ANKRD30B: variants seen among roughly 807,000 people sequenced by gnomAD.
The protein encoded by ANKRD30B is ankyrin repeat domain 30B.
Under a neutral mutation model 202.2 loss-of-function variants are expected in ANKRD30B, and 144 were observed. The ratio of observed to expected loss-of-function variants is 0.71; its 90% confidence interval spans 0.62 to 0.82. ANKRD30B has a LOEUF of 0.82. Ranked by LOEUF, ANKRD30B falls within the 40% of genes least tolerant of loss-of-function variation. The pLI is 0.00. For missense variants in ANKRD30B, 1,487 were observed against 1,669.1 expected, an observed-to-expected ratio of 0.89 and a Z score of 1.90; for synonymous variants, 508 against 561.3, an observed-to-expected ratio of 0.91 and a Z score of 1.34.
In ANKRD30B at chr18:14,752,753, G is replaced by T; in HGVS notation, c.336+73G>T. On this transcript the variant is annotated intron_variant, in intron 2 of 43. Coordinates refer to ENST00000690538, the MANE Select transcript of ANKRD30B (RefSeq NM_001367607.2). ...ACATAGAATAAAAATGAATTTAGTTGAAATACAACTAGTTTGTGAAACCTG... is the reference window on the plus strand; with the variant it reads ...ACATAGAATAAAAATGAATTTAGTTTAAATACAACTAGTTTGTGAAACCTG... 4 of 1,537,068 alleles carry T rather than the reference G, an allele frequency of 2.6e-6. No individual in the cohort carries two copies. In the South Asian group the frequency reaches 4.8e-5, roughly 18 times the overall value.
At chr18:14,842,144 TTA>T (rs1413897218) in intron 37 of ANKRD30B, among the ~76,000 whole-genome samples, 1 of 152,162 alleles carries the variant, frequency 6.6e-6, no homozygotes, top group Non-Finnish European at 1.5e-5. Flanking sequence ...AAAATGTTAT[TTA>T]TATGTGATAA....
the ANKRD30B span, among the ~76,000 whole-genome samples, chr18:14,920,080 A>G: frequency 7.7e-3 from 1,179 of 152,348 alleles, 18 homozygotes; most frequent in African/African-American, 0.027. Flanking sequence ...GTCAGTAAAC[A>G]AGGCACTGAA....
the ANKRD30B span, among the ~76,000 whole-genome samples, chr18:14,896,458 A>T: frequency 1.3e-5 from 2 of 151,786 alleles, no homozygotes; most frequent in African/African-American, 4.8e-5. Context: ...TTTTAAATCT[A>T]AAAATGTTCT....
rs1968638873 is a variant in ANKRD30B, at chr18:14,793,168, AT to A, written c.1825+1678del. Among the ~76,000 whole-genome samples, 2 of 152,036 alleles carry A rather than the reference AT, an allele frequency of 1.3e-5. 1 individual carries two copies. On this transcript the variant is annotated intron_variant, in intron 16 of 43. Coordinates refer to ENST00000690538, the MANE Select transcript of ANKRD30B (RefSeq NM_001367607.2). Reference sequence around the variant, plus strand: ...TTGGATACTATTGTAGCATACGGGTATGAAAATCAATGAATATTTATATTTA... The same window carrying A: ...TTGGATACTATTGTAGCATACGGGTAGAAAATCAATGAATATTTATATTTA...
At chr18:14,873,385 C>T in the ANKRD30B span, among the ~76,000 whole-genome samples, 1 of 151,788 alleles carries the variant, frequency 6.6e-6, no homozygotes, top group Non-Finnish European at 1.5e-5. Context: ...ATTAGCTGGG[C>T]CTGGTGGCAG....
chr18:14,819,506 T>C (rs1244698428), intron 30 of ANKRD30B, among the ~76,000 whole-genome samples: 4 of 152,122 alleles, frequency 2.6e-5, no homozygotes, highest in African/African-American at 9.7e-5. Context: ...GTCTAACGTT[T>C]AAGTCTTTAA....
In ANKRD30B at chr18:14,820,775, T is replaced by C. The variant is rs535565372; in HGVS notation, c.2642-1708T>C. Among the ~76,000 whole-genome samples, 8 of 152,318 alleles carry C rather than the reference T, an allele frequency of 5.3e-5. No homozygotes were observed. The East Asian group carries it at 1.2e-3, about 22-fold the overall frequency. On this transcript the variant is annotated intron_variant, in intron 30 of 43. Coordinates refer to ENST00000690538, the MANE Select transcript of ANKRD30B (RefSeq NM_001367607.2). Reference sequence around the variant, plus strand: ...CTGGATTCATTTTGCCAGTATTTTATTGAGGATTTTTGCATCAATGTTCAT... The same window carrying C: ...CTGGATTCATTTTGCCAGTATTTTACTGAGGATTTTTGCATCAATGTTCAT...
At chr18:14,882,496 A>G in the ANKRD30B span, among the ~76,000 whole-genome samples, 1,434 of 152,270 alleles carry the variant, frequency 9.4e-3, 26 homozygotes, top group African/African-American at 0.032. Context: ...ATTTTCTTCA[A>G]TTTACTGAGA....
chr18:14,893,060 G>T, the ANKRD30B span, among the ~76,000 whole-genome samples: 2 of 152,016 alleles, frequency 1.3e-5, no homozygotes, highest in African/African-American at 4.8e-5. Flanking sequence ...ATTCTTAATT[G>T]CTTGACATAT....
Position 14,854,333 on chromosome 18 carries a change from A to G in ANKRD30B, c.*175A>G, listed in dbSNP as rs1189825087. Among the ~76,000 whole-genome samples, 1 of 152,250 alleles carries G rather than the reference A, an allele frequency of 6.6e-6. No homozygotes were observed. The highest frequency in any genetic ancestry group is 1.5e-5 in the Non-Finnish European group (1 of 68,050). The stretch of plus-strand genomic sequence containing the variant: ...ACAGAACTAAAATGATAAAAGTCAT[A>G]TAACAATGGTACCCTAAACCACCCA... On this transcript the variant is annotated 3_prime_UTR_variant, in exon 44 of 44. Transcript: ENST00000690538.
chr18:14,783,855 G>A (rs1051843503), intron 12 of ANKRD30B, among the ~76,000 whole-genome samples: 18 of 151,964 alleles, frequency 1.2e-4, no homozygotes, highest in Admixed American at 1.2e-3. Context: ...TTTATATTTA[G>A]TATTATGACC....
intron 16 of ANKRD30B, among the ~76,000 whole-genome samples, chr18:14,794,738 C>T (rs1364490041): frequency 3.3e-5 from 5 of 152,132 alleles, no homozygotes; most frequent in South Asian, 4.1e-4. Context: ...AGCCTTAAAT[C>T]GCTTGGACAT....
chr18:14,757,963 A>C lies in ANKRD30B; in HGVS notation c.755+11A>C. 1 of 1,574,122 alleles carries C rather than the reference A, an allele frequency of 6.4e-7. No homozygotes were observed. The highest frequency in any genetic ancestry group is 1.7e-4 in the Middle Eastern group (1 of 5,914). On this transcript the variant is annotated intron_variant, in intron 5 of 43. Transcript: ENST00000690538. ...TTGTGGAGTTAATTAGTAAGTGTTT[A>C]CATTTAAAGGCTAGGTGAAATTTTA...
At chr18:14,910,372 A>G in the ANKRD30B span, among the ~76,000 whole-genome samples, 5 of 152,072 alleles carry the variant, frequency 3.3e-5, no homozygotes, top group Non-Finnish European at 5.9e-5. Context: ...CACTGAGGAT[A>G]ATGGCCTCCA....
chr18:14,805,728 G>T (rs995100056), intron 24 of ANKRD30B, among the ~76,000 whole-genome samples: 1 of 150,694 alleles, frequency 6.6e-6, no homozygotes, highest in Non-Finnish European at 1.5e-5. Flanking sequence ...AGCATTCTAC[G>T]TTCAGCTTTT....
chr18:14,844,633 G>A (rs993239195), intron 39 of ANKRD30B, among the ~76,000 whole-genome samples: 3 of 152,178 alleles, frequency 2.0e-5, no homozygotes, highest in Non-Finnish European at 4.4e-5. Flanking sequence ...GGTATTTCTA[G>A]TTCCAGATCC....
At position 14,763,826 on chromosome 18, in the gene ANKRD30B, G is replaced by T; in HGVS notation, c.961G>T (p.Gly321Trp). 6.2e-7 allele frequency: 1 copy of T among 1,613,536 alleles called. No individual in the cohort carries two copies. The highest frequency in any genetic ancestry group is 8.5e-7 in the Non-Finnish European group (1 of 1,179,778). The change falls in exon 7 of 44, where the codon GGG (glycine) becomes TGG (tryptophan). Residue 321 changes from glycine (G) to tryptophan (W), a missense_variant. Gly to Trp is a radical substitution (Grantham distance 184, BLOSUM62 -2). Transcript: ENST00000690538. Reference protein sequence around the residue: ...EGTSAKIQCLGKATSGKFEQS... With the variant: ...EGTSAKIQCLWKATSGKFEQS... The stretch of plus-strand genomic sequence containing the variant: ...AACGTCTGCCAAAATTCAATGTCTG[G>T]GGAAAGCAACATCTGGAAAGTTTGA...
At chr18:14,779,168 A>T (rs187521922) in intron 10 of ANKRD30B, among the ~76,000 whole-genome samples, 12 of 152,298 alleles carry the variant, frequency 7.9e-5, no homozygotes, top group Admixed American at 1.3e-4. Flanking sequence ...CTTCAGATGC[A>T]TTTAGAATAT....
Position 14,772,188 on chromosome 18 carries a change from A to T in ANKRD30B, c.1289A>T (p.Gln430Leu), listed in dbSNP as rs962790282. 1.3e-6 allele frequency: 2 copies of T among 1,506,550 alleles called. No individual in the cohort carries two copies. Among genetic ancestry groups the T allele is most frequent in the Non-Finnish European group, 8.9e-7 (1 of 1,120,570 alleles). The allele number at this position is 1,506,550 out of a possible 1,614,324, so 93.3% of individuals were successfully genotyped here. Residue 430 changes from glutamine (Q) to leucine (L), a missense_variant, in exon 9 of 44, where the codon CAG becomes CTG. Physicochemically the swap from Gln to Leu is moderately radical, Grantham distance 113. Coordinates refer to ENST00000690538, the MANE Select transcript of ANKRD30B (RefSeq NM_001367607.2). The part of the protein sequence containing the change: ...LFGTRTIENS[Q>L]CTKVEEDFNL... Reference sequence around the variant, plus strand: ...GGCACACGGACTATTGAAAATTCACAGTGTACAAAAGTTGAGGAAGACTTT... The same window carrying T: ...GGCACACGGACTATTGAAAATTCACTGTGTACAAAAGTTGAGGAAGACTTT...
Sources: gnomAD v4.1 joint callset for allele counts (sites outside exome capture counted in the v4.1 genomes callset) on GRCh38, gnomAD v4.1.1 for gene constraint, MANE v1.5 for transcripts, NCBI Gene and HGNC (gene_info 2026-07-23, HGNC 2026-07-21) for gene names.